Variants in RAD51D observed in about 807,000 individuals in gnomAD.
The protein encoded by RAD51D is DNA repair protein RAD51 homolog 4.
Under a neutral mutation model 44.1 loss-of-function variants are expected in RAD51D, and 38 were observed. The ratio of observed to expected loss-of-function variants is 0.86; its 90% CI spans 0.67 to 1.13. The LOEUF (loss-of-function observed/expected upper bound fraction) is 1.13, where lower values mean the gene tolerates loss of function less well. Among genes scored for constraint, RAD51D ranks in the 50% most tolerant of loss-of-function variants. The pLI is 0.00. For missense variants in RAD51D, 390 were observed against 414.0 expected (o/e 0.94, Z 0.50); for synonymous variants, 141 against 166.6 (o/e 0.85, Z 1.18).
At chr17:35,106,305 A>C in intron 6 of RAD51D, 81 bp downstream of exon 6, 1 of 1,162,114 alleles carries the variant, frequency 8.6e-7, no homozygotes. Flanking sequence ...ATTTCCAAAC[A>C]GTCTGTAGTA....
In RAD51D at chr17:35,098,516, T is replaced by G. The variant is rs575264159; in HGVS notation, c.*2437A>C. On this transcript the variant is annotated 3_prime_UTR_variant, in exon 10 of 10. Transcript: ENST00000345365. ...TCCGCCTCCCAGGTTCAAGCGATTC[T>G]GCCTCAGCCTCCTGAGTAGCTGGGA... 1 of 152,108 alleles carries G rather than the reference T, an allele frequency of 6.6e-6. No homozygotes were observed. Among genetic ancestry groups the G allele is most frequent in the Non-Finnish European group, 1.5e-5 (1 of 68,112 alleles). The allele number at this position is 152,108 out of a possible 1,614,324, so 9.4% of individuals were successfully genotyped here.
intron 1 of RAD51D, 53 bp downstream of exon 1, chr17:35,119,479 G>A: frequency 1.3e-6 from 2 of 1,584,534 alleles, no homozygotes; most frequent in African/African-American, 1.3e-5. Flanking sequence ...CTCGGGGCCT[G>A]CCCAGGTTGT....
rs2091558598 is a variant in RAD51D, at chr17:35,103,179, A to C, written c.738+75T>G. ...CCTAAAGGGCCACTTTGGGGTTCAGAAGCTGACATTTAAGGGAAATAAAGA... is the reference window on the plus strand; with the variant it reads ...CCTAAAGGGCCACTTTGGGGTTCAGCAGCTGACATTTAAGGGAAATAAAGA... On this transcript the variant is annotated intron_variant, in intron 8 of 9. Coordinates refer to ENST00000345365, the MANE Select transcript of RAD51D (RefSeq NM_002878.4). This position sits in a 1 kb window ranked among gnomAD's most constrained non-coding sequence, Gnocchi z 4.1. 1 of 1,457,566 alleles carries C rather than the reference A, an allele frequency of 6.9e-7. No individual in the cohort carries two copies. The allele number at this position is 1,457,566 out of a possible 1,614,324, so 90.3% of individuals were successfully genotyped here. A position where few individuals can be genotyped will look rare whatever the true frequency, so the allele number is the denominator to read the frequency against.
rs1423870098 is a variant in RAD51D at position 35,093,187 on chromosome 17, A to G, written c.*7766T>C. ...CCTGGAAAACTATTCAGTGTTTTAC[A>G]TAAGTTACATGATCCTAAAACAACT... On this transcript the variant is annotated 3_prime_UTR_variant, in exon 10 of 10. Transcript: ENST00000345365. 5 of 152,224 alleles carry G rather than the reference A, an allele frequency of 3.3e-5. No individual in the cohort carries two copies. The highest frequency in any genetic ancestry group is 1.2e-4 in the African/African-American group (5 of 41,456). The allele number at this position is 152,224 out of a possible 1,614,324, so 9.4% of individuals were successfully genotyped here.
At chr17:35,113,659 C>T in intron 3 of RAD51D, 1 of 332,886 alleles carries the variant, frequency 3.0e-6, no homozygotes, top group South Asian at 2.2e-5. Context: ...AGCCCTGTGG[C>T]TTCTTGAGAT....
chr17:35,117,006 C>T (rs2142468637), intron 3 of RAD51D: 1 of 1,613,700 alleles, frequency 6.2e-7, no homozygotes, highest in Non-Finnish European at 8.5e-7. Flanking sequence ...CTGCAGTCCT[C>T]CCAGGTTCCC....
chr17:35,102,791 G>A (rs1056514163), intron 8 of RAD51D, among the ~76,000 whole-genome samples: 5 of 152,092 alleles, frequency 3.3e-5, no homozygotes, highest in Non-Finnish European at 1.5e-5. Context: ...TCTATGAGAA[G>A]CATGCAGACT....
chr17:35,106,114 T>A lies in RAD51D; in HGVS notation c.576+272A>T, dbSNP rs774256463. ...AACCTCTATTACTTGCAGCTAAAAG[T>A]ATTCCTCACTCACCTAGTGGGGAAT... On this transcript the variant is annotated intron_variant, in intron 6 of 9. Transcript: ENST00000345365. 6.6e-6 allele frequency: 4 copies of A among 609,782 alleles called. No individual in the cohort carries two copies. In the East Asian group the frequency reaches 1.5e-4, roughly 22 times the overall value. The allele number at this position is 609,782 out of a possible 1,614,324, so 37.8% of individuals were successfully genotyped here.
intron 3 of RAD51D, among the ~76,000 whole-genome samples, chr17:35,109,674 T>C (rs2055208670): frequency 2.0e-5 from 3 of 152,068 alleles, no homozygotes; most frequent in Admixed American, 2.0e-4. Flanking sequence ...TGTTGAACTT[T>C]TTTTTTTTTT....
At chr17:35,107,541 A>T (rs1317705653) in intron 3 of RAD51D, 94 bp from the exon 4 acceptor site, 17 of 1,028,394 alleles carry the variant, frequency 1.7e-5, no homozygotes, top group Non-Finnish European at 2.6e-5. Context: ...TCTTTCAAGC[A>T]CTGGTTCTGT....
rs2091558154 is a variant in RAD51D at position 35,103,104 on chromosome 17, T to C, written c.738+150A>G. 1 of 726,896 alleles carries C rather than the reference T, an allele frequency of 1.4e-6. No homozygotes were observed. The highest frequency in any genetic ancestry group is 2.5e-6 in the Non-Finnish European group (1 of 406,542). 45.0% of individuals were successfully genotyped at this position (726,896 alleles called of 1,614,324 possible). On this transcript the variant is annotated intron_variant, in intron 8 of 9. Coordinates refer to ENST00000345365, the MANE Select transcript of RAD51D (RefSeq NM_002878.4). This position sits in a 1 kb window ranked among gnomAD's most constrained non-coding sequence, Gnocchi z 4.1. ...GACGATTCCTGATTCCCTTAGCTAT[T>C]TATGGTGCAAAGCTGTAGCTGACCC...
intron 2 of RAD51D, among the ~76,000 whole-genome samples, 165 bp downstream of exon 2, chr17:35,118,946 T>A (rs958444810): frequency 6.6e-6 from 1 of 152,196 alleles, no homozygotes; most frequent in African/African-American, 2.4e-5. Flanking sequence ...TTTCACCATG[T>A]TGGCCTGGAT....
chr17:35,105,236 A>G (rs768496594), intron 6 of RAD51D, among the ~76,000 whole-genome samples: 1 of 152,160 alleles, frequency 6.6e-6, no homozygotes, highest in Non-Finnish European at 1.5e-5. Context: ...ACTCAGCTTC[A>G]TGTCTCAACA....
intron 6 of RAD51D, among the ~76,000 whole-genome samples, chr17:35,104,077 C>CA (rs932368812): frequency 6.6e-6 from 1 of 151,308 alleles, no homozygotes; most frequent in Non-Finnish European, 1.5e-5. Context: ...GACTCTGTCT[C>CA]AAAAAAAATA....
At chr17:35,117,685 T>C (rs2091766487) in intron 3 of RAD51D, among the ~76,000 whole-genome samples, 1 of 152,160 alleles carries the variant, frequency 6.6e-6, no homozygotes. Flanking sequence ...AGACGGGGTT[T>C]CATCATTTTG....
In RAD51D at chr17:35,098,648, C is replaced by A. The variant is rs1237252677; in HGVS notation, c.*2305G>T. The A allele has an allele frequency of 3.3e-5, 5 of 152,080 alleles. No individual in the cohort carries two copies. Among genetic ancestry groups the A allele is most frequent in the Admixed American group, 1.3e-4 (2 of 15,248 alleles). 9.4% of individuals were successfully genotyped at this position (152,080 alleles called of 1,614,324 possible). On this transcript the variant is annotated 3_prime_UTR_variant, in exon 10 of 10. Coordinates refer to ENST00000345365, the MANE Select transcript of RAD51D (RefSeq NM_002878.4). The stretch of plus-strand genomic sequence containing the variant: ...CTGGAACTCCTGACCTTAGGTGATC[C>A]ACCCACCTCAGCCTCCCAAAGTGCT...
At position 35,100,398 on chromosome 17, in the gene RAD51D, T is replaced by C. The variant is rs142021403; in HGVS notation, c.*555A>G. ...CTCTAGGGCTCGGGGAATTGCCTTT[T>C]TATATTTTTAAGAGCAAAACAGAGA... On this transcript the variant is annotated 3_prime_UTR_variant, in exon 10 of 10. Coordinates refer to ENST00000345365, the MANE Select transcript of RAD51D (RefSeq NM_002878.4). 616 of 534,322 alleles carry C rather than the reference T, an allele frequency of 1.2e-3. 5 individuals are homozygous for C. Among genetic ancestry groups the C allele is most frequent in the African/African-American group, 8.7e-3 (471 of 53,964 alleles). The allele number at this position is 534,322 out of a possible 1,614,324, so 33.1% of individuals were successfully genotyped here. A position where few individuals can be genotyped will look rare whatever the true frequency, so the allele number is the denominator to read the frequency against.
At chr17:35,111,582 G>C (rs189495817) in intron 3 of RAD51D, among the ~76,000 whole-genome samples, 3 of 151,894 alleles carry the variant, frequency 2.0e-5, no homozygotes, top group Admixed American at 2.0e-4. Flanking sequence ...AAAAAAATTA[G>C]TTGTGTATAC....
At chr17:35,106,530 G>A (rs2142430133) in intron 5 of RAD51D, 49 bp from the exon 6 acceptor site, 1 of 1,414,080 alleles carries the variant, frequency 7.1e-7, no homozygotes, top group Non-Finnish European at 9.9e-7. Context: ...GAGGGAGTAG[G>A]GGGGTCAAGG....
Sources: gnomAD v4.1 joint callset for allele counts (sites outside exome capture counted in the v4.1 genomes callset) on GRCh38, gnomAD v4.1.1 for gene constraint, Gnocchi (gnomAD v3.1) non-coding constraint, MANE v1.5 for transcripts, NCBI Gene and HGNC (gene_info 2026-07-23, HGNC 2026-07-21) for gene names.